The following SLCO2A1 variants were observed in gnomAD, a reference collection of about 807,000 sequenced individuals.
The protein encoded by SLCO2A1 is matrin F/G 1.
A neutral mutation model predicts 71.7 loss-of-function variants in SLCO2A1; 60 were observed. The ratio of observed to expected loss-of-function variants is 0.84; its 90% CI spans 0.68 to 1.04. The LOEUF (loss-of-function observed/expected upper bound fraction) is 1.04. Among genes scored for constraint, SLCO2A1 ranks in the 50% least tolerant of loss-of-function variants. The probability of loss-of-function intolerance (pLI) is 0.00; values close to 1 mark genes in which losing one functional copy is unlikely to be tolerated. For synonymous variants in SLCO2A1, 308 were observed against 326.7 expected (o/e 0.94, Z 0.62); for missense variants, 745 against 813.4 (o/e 0.92, Z 1.02).
chr3:133,934,642 T>A lies in SLCO2A1; in HGVS notation c.*71A>T. The A allele has an allele frequency of 9.7e-7, 1 of 1,034,694 alleles. No individual in the cohort carries two copies. Among genetic ancestry groups the A allele is most frequent in the Admixed American group, 1.9e-5 (1 of 51,372 alleles). The allele number at this position is 1,034,694 out of a possible 1,614,324, so 64.1% of individuals were successfully genotyped here. A position where few individuals can be genotyped will look rare whatever the true frequency, so the allele number is the denominator to read the frequency against. On this transcript the variant is annotated 3_prime_UTR_variant, in exon 14 of 14. Transcript: ENST00000310926. ...ACAAAAAGGAAATGACGTGTTAACA[T>A]TAGTGAGTATAGGCAGGTGTGGAAG... is the stretch of plus-strand genomic sequence containing the variant.
chr3:133,974,552 T>C (rs955329228), intron 2 of SLCO2A1, among the ~76,000 whole-genome samples: 1 of 152,170 alleles, frequency 6.6e-6, no homozygotes, highest in African/African-American at 2.4e-5. Flanking sequence ...CTGTTTTCAA[T>C]TCTGTGAAAT....
intron 3 of SLCO2A1, among the ~76,000 whole-genome samples, chr3:133,961,846 G>A (rs1409076758): frequency 6.6e-6 from 1 of 152,114 alleles, no homozygotes; most frequent in African/African-American, 2.4e-5. Context: ...CCCAGATCAA[G>A]TTCTGACACA....
chr3:134,023,149 C>CAAAA lies in SLCO2A1; in HGVS notation c.96+6557_96+6558insTTTT, dbSNP rs869301239. Among the ~76,000 whole-genome samples the CAAAA allele has an allele frequency of 5.9e-4, 23 of 38,788 alleles. 2 individuals are homozygous for CAAAA. Among genetic ancestry groups the CAAAA allele is most frequent in the African/African-American group, 1.1e-3 (23 of 20,398 alleles). The allele number at this position is 38,788 out of a possible 152,430, so 25.4% of individuals were successfully genotyped here. Reference sequence around the variant, plus strand: ...ACAAACAAACAAACAAACAAACAAACAAACAAAAGAATGGACTCATTACAC... The same window carrying CAAAA: ...ACAAACAAACAAACAAACAAACAAACAAAAAAACAAAAGAATGGACTCATTACAC... On this transcript the variant is annotated intron_variant, in intron 1 of 13. Transcript: ENST00000310926.
chr3:134,000,371 G>C (rs752191468), intron 1 of SLCO2A1, among the ~76,000 whole-genome samples: 12 of 152,140 alleles, frequency 7.9e-5, no homozygotes, highest in Admixed American at 1.3e-4. Flanking sequence ...GGGAGGTAGG[G>C]ATGGGGGTGC....
intron 3 of SLCO2A1, among the ~76,000 whole-genome samples, chr3:133,959,555 C>T (rs574338276): frequency 2.0e-5 from 3 of 152,170 alleles, no homozygotes; most frequent in Admixed American, 6.5e-5. Context: ...CTGGGCGTGA[C>T]GGCGCGCACC....
chr3:133,995,561 T>TA (rs1431940038), intron 1 of SLCO2A1, among the ~76,000 whole-genome samples: 1 of 152,166 alleles, frequency 6.6e-6, no homozygotes, highest in Non-Finnish European at 1.5e-5. Context: ...TTCCTGGTAG[T>TA]AAAGAATGTC....
chr3:133,979,361 G>T, intron 2 of SLCO2A1, 120 bp downstream of exon 2: 2 of 1,260,700 alleles, frequency 1.6e-6, no homozygotes, highest in East Asian at 2.3e-5. Context: ...GCTGTTACCC[G>T]GCAGAAAGAG....
intron 2 of SLCO2A1, among the ~76,000 whole-genome samples, chr3:133,977,450 G>A (rs929174334): frequency 5.3e-5 from 8 of 152,030 alleles, no homozygotes; most frequent in Admixed American, 3.3e-4. Flanking sequence ...AGTTGTTTCC[G>A]GGCCCACATT....
chr3:133,935,167 C>A (rs1433338167), intron 13 of SLCO2A1, among the ~76,000 whole-genome samples: 1 of 152,200 alleles, frequency 6.6e-6, no homozygotes, highest in Non-Finnish European at 1.5e-5. Context: ...CTTCTCACTG[C>A]CCTCTTGGCC....
intron 3 of SLCO2A1, among the ~76,000 whole-genome samples, chr3:133,973,288 G>A (rs575408819): frequency 6.6e-6 from 1 of 152,332 alleles, no homozygotes; most frequent in East Asian, 1.9e-4. Context: ...AAAGACAGAA[G>A]AATGTACAAA....
At chr3:134,020,522 G>A (rs1935551258) in intron 1 of SLCO2A1, among the ~76,000 whole-genome samples, 1 of 152,244 alleles carries the variant, frequency 6.6e-6, no homozygotes, top group Non-Finnish European at 1.5e-5. Context: ...GCAGTGTGTG[G>A]CAGGCCCCCA....
At chr3:133,981,751 C>T (rs527834702) in intron 1 of SLCO2A1, among the ~76,000 whole-genome samples, 39 of 152,092 alleles carry the variant, frequency 2.6e-4, no homozygotes, top group Admixed American at 5.2e-4. Context: ...TCGAAGCAGG[C>T]GGATCATGAG....
Position 133,953,776 on chromosome 3 carries a change from A to C in SLCO2A1, c.626-15T>G. ...AAATAAGATGGCTGGAAAAGGAAGT[A>C]AGGGGAAGGAGACTGAGATAAATGG... is the stretch of plus-strand genomic sequence containing the variant. On this transcript the variant is annotated splice_polypyrimidine_tract_variant and intron_variant, in intron 4 of 13. Transcript: ENST00000310926. 1.2e-6 allele frequency: 2 copies of C among 1,605,228 alleles called. No individual in the cohort carries two copies. The highest frequency in any genetic ancestry group is 1.7e-6 in the Non-Finnish European group (2 of 1,171,924).
At chr3:133,948,446 G>T in intron 8 of SLCO2A1, 90 bp downstream of exon 8, 2 of 1,383,476 alleles carry the variant, frequency 1.4e-6, no homozygotes, top group Non-Finnish European at 2.0e-6. Flanking sequence ...TGTCCGGTCT[G>T]GCCTGCGCCC....
intron 1 of SLCO2A1, among the ~76,000 whole-genome samples, chr3:133,993,438 A>C (rs1002139167): frequency 2.0e-5 from 3 of 152,236 alleles, no homozygotes; most frequent in Non-Finnish European, 4.4e-5. Context: ...AGATTGCCCC[A>C]TGGCAGGGGG....
At chr3:133,992,616 G>C (rs1934878364) in intron 1 of SLCO2A1, among the ~76,000 whole-genome samples, 1 of 152,116 alleles carries the variant, frequency 6.6e-6, no homozygotes, top group South Asian at 2.1e-4. Flanking sequence ...CCCCCATCCT[G>C]AGCCCATAAA....
Position 133,973,577 on chromosome 3 carries a change from T to G in SLCO2A1, c.397+86A>C. 1.2e-5 allele frequency: 16 copies of G among 1,386,512 alleles called. No homozygotes were observed. The South Asian group carries it at 1.9e-4, about 17-fold the overall frequency. 85.9% of individuals were successfully genotyped at this position (1,386,512 alleles called of 1,614,324 possible). A position where few individuals can be genotyped will look rare whatever the true frequency, so the allele number is the denominator to read the frequency against. ...CATATGCCCTCTTCCTGGAGTGGTA[T>G]CCACTGCCCTAGGAGTATCCCCACT... On this transcript the variant is annotated intron_variant, in intron 3 of 13. Coordinates refer to ENST00000310926, the MANE Select transcript of SLCO2A1 (RefSeq NM_005630.3).
chr3:134,002,850 G>C (rs538509597), intron 1 of SLCO2A1, among the ~76,000 whole-genome samples: 7 of 152,274 alleles, frequency 4.6e-5, no homozygotes, highest in South Asian at 4.1e-4. Context: ...TTGGAAACAA[G>C]GCTAAACCTC....
chr3:133,942,006 A>G (rs1933436152), intron 11 of SLCO2A1, among the ~76,000 whole-genome samples: 1 of 151,644 alleles, frequency 6.6e-6, no homozygotes, highest in Non-Finnish European at 1.5e-5. Flanking sequence ...AATTATTATT[A>G]TTTTTGAGAC....
Sources: allele counts gnomAD v4.1 joint callset (sites outside exome capture counted in the v4.1 genomes callset), GRCh38; gene constraint gnomAD v4.1.1; transcripts MANE v1.5; gene names NCBI Gene and HGNC (gene_info 2026-07-23, HGNC 2026-07-21).